Variants in DHRSX observed in about 807,000 individuals in gnomAD.
DHRSX encodes the protein polyprenol dehydrogenase.
A neutral mutation model predicts 34.0 loss-of-function variants in DHRSX; 31 were observed. The observed-to-expected ratio is 0.91, with a 90% CI of 0.69 to 1.23. DHRSX has a LOEUF of 1.23. DHRSX is among the 50% of genes most tolerant of loss of function. The probability of loss-of-function intolerance (pLI) is 0.00; values close to 1 mark genes in which losing one functional copy is unlikely to be tolerated. For missense variants in DHRSX, 414 were observed against 428.1 expected, an observed-to-expected ratio of 0.97 and a Z score of 0.29; for synonymous variants, 201 against 183.8, an observed-to-expected ratio of 1.09 and a Z score of -0.76.
intron 4 of DHRSX, among the ~76,000 whole-genome samples, chrX:2,273,198 T>C (rs754192852): frequency 6.6e-6 from 1 of 152,046 alleles, no homozygotes; most frequent in African/African-American, 2.4e-5. Flanking sequence ...ATCTCAAAAA[T>C]AAATAAATCA....
At chrX:2,346,574 A>G (rs1300076088) in intron 3 of DHRSX, among the ~76,000 whole-genome samples, 1 of 151,932 alleles carries the variant, frequency 6.6e-6, no homozygotes, top group African/African-American at 2.4e-5. Context: ...AGCAAATCTA[A>G]GTAAACTACA....
At position 2,243,106 on chromosome X, in the gene DHRSX, C is replaced by G. The variant is rs768694619; in HGVS notation, c.721G>C (p.Gly241Arg). ...TTGTAGACGTCCGTGTTGACCACCC[C>G]GGGGTCCACCACGTTGGCGGTCACG... Reference protein sequence around the residue: ...SHVTANVVDPGVVNTDVYKHV... With the variant: ...SHVTANVVDPRVVNTDVYKHV... Residue 241 changes from glycine (G) to arginine (R), a missense_variant, in exon 6 of 7, where the codon GGG becomes CGG. Physicochemically the swap from Gly to Arg is moderately radical, Grantham distance 125. Coordinates refer to ENST00000334651, the MANE Select transcript of DHRSX (RefSeq NM_145177.3). 8.7e-6 allele frequency: 14 copies of G among 1,613,762 alleles called. No individual in the cohort carries two copies. Among genetic ancestry groups the G allele is most frequent in the Non-Finnish European group, 1.2e-5 (14 of 1,179,844 alleles).
chrX:2,267,671 G>T (rs1356870742), intron 4 of DHRSX, among the ~76,000 whole-genome samples: 2 of 152,176 alleles, frequency 1.3e-5, no homozygotes, highest in East Asian at 3.8e-4. Flanking sequence ...GGGCGGCTAG[G>T]TGTGATGGCT....
intron 3 of DHRSX, among the ~76,000 whole-genome samples, chrX:2,381,719 C>T (rs1204864854): frequency 6.8e-6 from 1 of 147,580 alleles, no homozygotes; most frequent in Non-Finnish European, 1.5e-5. Flanking sequence ...TCCCTAAGAG[C>T]GACAGGTAGA....
chrX:2,412,373 T>C (rs5939209), intron 2 of DHRSX, among the ~76,000 whole-genome samples: 123,306 of 152,104 alleles, frequency 0.81, 50,845 homozygotes, highest in African/African-American at 0.95. Context: ...CATGAGCCAC[T>C]GCACCCGGCC....
chrX:2,368,140 GGC>G (rs2043015883), intron 3 of DHRSX, among the ~76,000 whole-genome samples: 1 of 151,828 alleles, frequency 6.6e-6, no homozygotes, highest in Non-Finnish European at 1.5e-5. Flanking sequence ...CTACTCAGGA[GGC>G]TGAGGCAGGA....
At chrX:2,430,640 C>T (rs193212188) in intron 1 of DHRSX, among the ~76,000 whole-genome samples, 109 of 152,236 alleles carry the variant, frequency 7.2e-4, no homozygotes, top group Non-Finnish European at 1.4e-3. Flanking sequence ...CTTCTGCCAG[C>T]GCCTGTTTGA....
chrX:2,251,513 G>A (rs1287791849), intron 5 of DHRSX, among the ~76,000 whole-genome samples: 1 of 152,058 alleles, frequency 6.6e-6, no homozygotes, highest in Non-Finnish European at 1.5e-5. Flanking sequence ...CTGGCCAATC[G>A]GGACAAATAC....
chrX:2,227,724 G>A (rs867575838), intron 6 of DHRSX, among the ~76,000 whole-genome samples: 1 of 3,956 alleles, frequency 2.5e-4, no homozygotes, highest in African/African-American at 1.2e-3. Flanking sequence ...GGAAGGATGG[G>A]AGGGAGGGAG....
intron 3 of DHRSX, among the ~76,000 whole-genome samples, chrX:2,325,778 A>T (rs2042378742): frequency 6.6e-6 from 1 of 152,132 alleles, no homozygotes; most frequent in South Asian, 2.1e-4. Flanking sequence ...TGGACTATAA[A>T]ATCCATCACA....
intron 3 of DHRSX, among the ~76,000 whole-genome samples, chrX:2,306,874 T>G (rs1310005055): frequency 2.0e-5 from 3 of 151,818 alleles, no homozygotes; most frequent in Non-Finnish European, 2.9e-5. Flanking sequence ...TGGAACCAGC[T>G]CTTCTTTGTA....
intron 1 of DHRSX, among the ~76,000 whole-genome samples, chrX:2,484,493 A>G (rs1444455142): frequency 6.6e-6 from 1 of 152,206 alleles, no homozygotes; most frequent in Admixed American, 6.5e-5. Context: ...GCTTCCCAGA[A>G]GTTGCTCAGA....
intron 5 of DHRSX, among the ~76,000 whole-genome samples, chrX:2,259,395 G>GATATATAGATAGATATATAGAT (rs2041331724): frequency 8.1e-6 from 1 of 124,106 alleles, no homozygotes; most frequent in African/African-American, 3.9e-5. Flanking sequence ...TAGATATATA[G>GATATATAGATAGATATATAGAT]ATATATATAT....
At chrX:2,322,798 TCAA>T (rs1264117280) in intron 3 of DHRSX, among the ~76,000 whole-genome samples, 1 of 152,234 alleles carries the variant, frequency 6.6e-6, no homozygotes, top group Admixed American at 6.5e-5. Flanking sequence ...AGGCTTCTGC[TCAA>T]CAATAGGATA....
At chrX:2,318,312 T>C (rs2042265171) in intron 3 of DHRSX, among the ~76,000 whole-genome samples, 1 of 150,180 alleles carries the variant, frequency 6.7e-6, no homozygotes, top group Non-Finnish European at 1.5e-5. Flanking sequence ...GCTGTGCCAC[T>C]GCACTCCAGC....
At chrX:2,307,081 G>T (rs1356587313) in intron 3 of DHRSX, among the ~76,000 whole-genome samples, 2 of 151,978 alleles carry the variant, frequency 1.3e-5, no homozygotes, top group Admixed American at 1.3e-4. Flanking sequence ...TTATGTGTTG[G>T]ATGAAGAAAA....
chrX:2,252,758 GGA>G (rs2016461615), intron 5 of DHRSX, among the ~76,000 whole-genome samples: 1 of 152,208 alleles, frequency 6.6e-6, no homozygotes, highest in Non-Finnish European at 1.5e-5. Flanking sequence ...CGTAGTTTCA[GGA>G]GAGATTCCCT....
At chrX:2,290,529 G>T (rs982230960) in intron 4 of DHRSX, among the ~76,000 whole-genome samples, 1 of 152,092 alleles carries the variant, frequency 6.6e-6, no homozygotes. Flanking sequence ...AGATCCTTTT[G>T]CTGATTTTTT....
intron 1 of DHRSX, among the ~76,000 whole-genome samples, chrX:2,483,697 G>A (rs1344957953): frequency 6.7e-6 from 1 of 150,208 alleles, no homozygotes; most frequent in African/African-American, 2.4e-5. Flanking sequence ...AAGAAACACA[G>A]AGCCCAGAGT....
Sources: gnomAD v4.1 joint callset for allele counts (sites outside exome capture counted in the v4.1 genomes callset) on GRCh38, gnomAD v4.1.1 for gene constraint, MANE v1.5 for transcripts, NCBI Gene and HGNC (gene_info 2026-07-23, HGNC 2026-07-21) for gene names.